MCF2L: variants seen among roughly 807,000 people sequenced by gnomAD.
MCF2L encodes MCF.2 cell line derived transforming sequence like.
MCF2L carries 97 observed loss-of-function variants against 153.4 expected under a neutral mutation model. The ratio of observed to expected loss-of-function variants is 0.63; its 90% CI spans 0.54 to 0.75. The LOEUF (loss-of-function observed/expected upper bound fraction) is 0.75, where lower values mean the gene tolerates loss of function less well. Among genes scored for constraint, MCF2L ranks in the 30% least tolerant of loss-of-function variants. The pLI, the probability that MCF2L is intolerant of heterozygous loss-of-function variation, is 0.00. For synonymous variants in MCF2L, 659 were observed against 632.2 expected (o/e 1.04, Z -0.64); for missense variants, 1,347 against 1,495.2 (o/e 0.90, Z 1.64).
Position 112,951,775 on chromosome 13 carries a change from G to A in MCF2L, c.169+49404G>A, listed in dbSNP as rs139905904. On this transcript the variant is annotated intron_variant, in intron 2 of 29. Transcript: ENST00000375608. The surrounding 1 kb of genome is among the most constrained non-coding windows in gnomAD (Gnocchi z 4.8). The stretch of plus-strand genomic sequence containing the variant: ...TTGTCAGTATGCTGGCTGCAGTCGT[G>A]TGCTGTAGTTTGGCAGGATGCTACC... 6.6e-6 allele frequency among the ~76,000 whole-genome samples: 1 copy of A among 152,300 alleles called. No individual in the cohort carries two copies. Among genetic ancestry groups the A allele is most frequent in the African/African-American group, 2.4e-5 (1 of 41,554 alleles).
chr13:113,077,321 G>A (rs1293286981), intron 13 of MCF2L, 110 bp downstream of exon 13: 43 of 1,255,428 alleles, frequency 3.4e-5, no homozygotes, highest in Non-Finnish European at 4.1e-5. Flanking sequence ...GTCTCCACAC[G>A]CCTCCTCCCC....
intron 16 of MCF2L, 54 bp from the exon 17 acceptor site, chr13:113,082,373 C>G (rs951702479): frequency 3.8e-6 from 4 of 1,047,944 alleles, no homozygotes; most frequent in Non-Finnish European, 6.0e-6. Flanking sequence ...GCCCACCTGC[C>G]CCCCCACAGC....
chr13:113,094,217 G>A (rs2035458165), intron 26 of MCF2L: 1 of 214,206 alleles, frequency 4.7e-6, no homozygotes, highest in African/African-American at 2.3e-5. Context: ...CTGGCTGAGG[G>A]GCACTGCCCT....
In MCF2L at chr13:113,034,938, C is replaced by A. The variant is rs112757476; in HGVS notation, c.278+10180C>A. ...GAAGGTCTGCCCGAGGCAAGGCAGG[C>A]CCGCAGTCCCGGGCGGTGGCATCAG... On this transcript the variant is annotated intron_variant, in intron 3 of 29. Coordinates refer to ENST00000535094, the MANE Select transcript of MCF2L (RefSeq NM_001112732.3). 9.3e-4 allele frequency among the ~76,000 whole-genome samples: 142 copies of A among 152,304 alleles called. 1 individual carries two copies. Among genetic ancestry groups the A allele is most frequent in the African/African-American group, 3.3e-3 (136 of 41,584 alleles).
At chr13:112,914,056 CT>C (rs1423902441) in intron 2 of MCF2L, among the ~76,000 whole-genome samples, 1 of 152,164 alleles carries the variant, frequency 6.6e-6, no homozygotes, top group Non-Finnish European at 1.5e-5. Context: ...AGCCTGGGTT[CT>C]TTTCTTTTTC....
At chr13:113,089,902 T>G in intron 26 of MCF2L, 174 bp downstream of exon 26, 2 of 1,605,560 alleles carry the variant, frequency 1.2e-6, no homozygotes, top group Non-Finnish European at 1.7e-6. Flanking sequence ...GAAGAGCCCC[T>G]CCCTCTCCAT....
rs944971265 is a variant in MCF2L at position 112,960,832 on chromosome 13, C to T, written c.170-53931C>T. On this transcript the variant is annotated intron_variant, in intron 2 of 29. Coordinates refer to the MCF2L transcript ENST00000375608. The surrounding 1 kb of genome is among the most constrained non-coding windows in gnomAD (Gnocchi z 4.2). ...CCTCACATCTCCTCCCTGCCTGAGC[C>T]TCCTGCTGCCCTGCTGGAAGGACCC... Among the ~76,000 whole-genome samples, 2 of 152,118 alleles carry T rather than the reference C, an allele frequency of 1.3e-5. No individual in the cohort carries two copies. Among genetic ancestry groups the T allele is most frequent in the Non-Finnish European group, 2.9e-5 (2 of 68,018 alleles).
chr13:113,026,650 T>C (rs1323568309), intron 3 of MCF2L, among the ~76,000 whole-genome samples: 1 of 152,214 alleles, frequency 6.6e-6, no homozygotes, highest in Admixed American at 6.5e-5. Flanking sequence ...CTGATGCTCA[T>C]GGGAGCAGAG....
chr13:113,081,385 A>G, intron 16 of MCF2L, 106 bp downstream of exon 16: 1 of 1,132,400 alleles, frequency 8.8e-7, no homozygotes. Context: ...TGTCCACCAA[A>G]TGCATGTGAG....
intron 2 of MCF2L, among the ~76,000 whole-genome samples, chr13:112,931,904 T>C (rs1046929617): frequency 1.3e-5 from 2 of 152,136 alleles, no homozygotes; most frequent in Non-Finnish European, 2.9e-5. Context: ...TCGCGTTGTA[T>C]TATAACCCCA....
At chr13:112,923,248 T>C (rs1032345391) in intron 2 of MCF2L, among the ~76,000 whole-genome samples, 220 of 147,498 alleles carry the variant, frequency 1.5e-3, no homozygotes, top group Non-Finnish European at 2.8e-3. Flanking sequence ...TGAACTTCAG[T>C]GTTTGCTTCT....
chr13:113,080,318 G>A (rs2033999522), intron 15 of MCF2L, among the ~76,000 whole-genome samples: 1 of 152,194 alleles, frequency 6.6e-6, no homozygotes, highest in Non-Finnish European at 1.5e-5. Flanking sequence ...TCTAGGCAGA[G>A]GGGCGTCCGC....
At chr13:113,059,292 A>C (rs1334145464) in intron 4 of MCF2L, among the ~76,000 whole-genome samples, 1 of 152,170 alleles carries the variant, frequency 6.6e-6, no homozygotes, top group Non-Finnish European at 1.5e-5. Flanking sequence ...ACCCTACCCC[A>C]GCTTCCTAAC....
intron 3 of MCF2L, chr13:113,043,078 G>A (rs1215464950): frequency 6.6e-6 from 1 of 152,266 alleles, no homozygotes; most frequent in African/African-American, 2.4e-5. Context: ...TTCTACGATT[G>A]TCCTCATTTT....
chr13:112,898,705 C>T (rs537809041), intron 1 of MCF2L, among the ~76,000 whole-genome samples: 14 of 152,298 alleles, frequency 9.2e-5, no homozygotes, highest in African/African-American at 2.4e-4. Flanking sequence ...GAAGCCCAGA[C>T]GGCCTCCCTG....
chr13:112,963,334 C>T (rs2081855629), intron 2 of MCF2L, among the ~76,000 whole-genome samples: 1 of 152,242 alleles, frequency 6.6e-6, no homozygotes, highest in African/African-American at 2.4e-5. Context: ...TGACCGTGCT[C>T]CTTCTGGCCA....
At position 112,941,446 on chromosome 13, in the gene MCF2L, A is replaced by G. The variant is rs2081574986; in HGVS notation, c.169+39075A>G. On this transcript the variant is annotated intron_variant, in intron 2 of 29. Transcript: ENST00000375608. The surrounding 1 kb of genome is among the most constrained non-coding windows in gnomAD (Gnocchi z 4.9). ...TTCCTTTAGGTGTAAAAGGAAAATA[A>G]CTTACAGTAAAATGTAAATCTATTA... Among the ~76,000 whole-genome samples the G allele has an allele frequency of 6.6e-6, 1 of 151,734 alleles. No homozygotes were observed. The highest frequency in any genetic ancestry group is 6.6e-5 in the Admixed American group (1 of 15,222).
intron 4 of MCF2L, among the ~76,000 whole-genome samples, chr13:113,050,900 T>C (rs1302950840): frequency 1.3e-5 from 2 of 151,650 alleles, no homozygotes; most frequent in Non-Finnish European, 2.9e-5. Context: ...GAGCTTCCCC[T>C]GGGAACACAA....
At chr13:112,965,749 C>G (rs1355492844), upstream of MCF2L, 1 of 152,240 alleles carries the variant, frequency 6.6e-6, no homozygotes, top group Admixed American at 6.5e-5. Flanking sequence ...GCTGATCATC[C>G]AGAAAGGTCG....
Sources: allele counts gnomAD v4.1 joint callset (sites outside exome capture counted in the v4.1 genomes callset), GRCh38; gene constraint gnomAD v4.1.1; non-coding constraint Gnocchi (gnomAD v3.1); transcripts MANE v1.5; gene names NCBI Gene and HGNC (gene_info 2026-07-23, HGNC 2026-07-21).